MAPRE2: variants seen among roughly 807,000 people sequenced by gnomAD.
The protein encoded by MAPRE2 is microtubule associated protein RP/EB family member 2.
A neutral mutation model predicts 43.2 loss-of-function variants in MAPRE2; 13 were observed. The ratio of observed to expected loss-of-function variants is 0.30; its 90% confidence interval spans 0.20 to 0.48. MAPRE2 has a LOEUF of 0.48. Among genes scored for constraint, MAPRE2 ranks in the 20% least tolerant of loss-of-function variants. The pLI, the probability that MAPRE2 is intolerant of heterozygous loss-of-function variation, is 0.99. For missense variants in MAPRE2, 161 were observed against 400.2 expected, an observed-to-expected ratio of 0.40 and a Z score of 5.10; for synonymous variants, 135 against 148.8, an observed-to-expected ratio of 0.91 and a Z score of 0.68.
At chr18:35,027,530 C>G (rs765628074) in intron 2 of MAPRE2, among the ~76,000 whole-genome samples, 1 of 152,140 alleles carries the variant, frequency 6.6e-6, no homozygotes, top group Non-Finnish European at 1.5e-5. Context: ...CTTCAGCAGT[C>G]AGTCACCTTC....
At chr18:34,980,598 A>G (rs988655266) in intron 1 of MAPRE2, among the ~76,000 whole-genome samples, 3 of 152,220 alleles carry the variant, frequency 2.0e-5, no homozygotes. Flanking sequence ...GCTGTTTTCC[A>G]AGACAGACAT....
rs1906975836 is a variant in MAPRE2, at chr18:35,068,968, A to T, written c.123-1227A>T. 2.0e-5 allele frequency among the ~76,000 whole-genome samples: 3 copies of T among 152,336 alleles called. No individual in the cohort carries two copies. In the East Asian group the frequency reaches 5.8e-4, roughly 29 times the overall value. On this transcript the variant is annotated intron_variant, in intron 1 of 6. Coordinates refer to ENST00000300249, the MANE Select transcript of MAPRE2 (RefSeq NM_014268.4). Reference sequence around the variant, plus strand: ...TTTTGCATTACCAGGCAGTGTATTGATGGAGGATTAGGTGTCAAAGCCCAG... The same window carrying T: ...TTTTGCATTACCAGGCAGTGTATTGTTGGAGGATTAGGTGTCAAAGCCCAG...
upstream of MAPRE2, among the ~76,000 whole-genome samples, chr18:35,040,511 T>A (rs2097053095): frequency 6.6e-6 from 1 of 152,258 alleles, no homozygotes; most frequent in African/African-American, 2.4e-5. Flanking sequence ...AGTTTACTCA[T>A]CTTTAAAATG....
At chr18:35,005,174 T>G (rs2097031249) in intron 1 of MAPRE2, among the ~76,000 whole-genome samples, 2 of 152,170 alleles carry the variant, frequency 1.3e-5, no homozygotes, top group Non-Finnish European at 2.9e-5. Flanking sequence ...TCCCGTCACA[T>G]CAGACTATCA....
chr18:35,083,736 G>T (rs1342142551), intron 2 of MAPRE2, among the ~76,000 whole-genome samples: 2 of 152,108 alleles, frequency 1.3e-5, no homozygotes, highest in Non-Finnish European at 2.9e-5. Flanking sequence ...GAAACTGAGC[G>T]CTGGCCACTG....
At chr18:35,063,244 C>T (rs1906632349) in intron 1 of MAPRE2, among the ~76,000 whole-genome samples, 2 of 152,092 alleles carry the variant, frequency 1.3e-5, no homozygotes, top group Admixed American at 1.3e-4. Flanking sequence ...GCTGGGACTA[C>T]AGGCGCACAC....
chr18:35,046,426 A>C (rs565985856), intron 1 of MAPRE2, among the ~76,000 whole-genome samples: 2 of 152,334 alleles, frequency 1.3e-5, no homozygotes, highest in South Asian at 4.1e-4. Flanking sequence ...TAGGAAGCTA[A>C]AAGACACTGA....
chr18:35,075,954 C>T (rs951126545), intron 2 of MAPRE2, among the ~76,000 whole-genome samples: 1 of 152,082 alleles, frequency 6.6e-6, no homozygotes, highest in East Asian at 1.9e-4. Context: ...CACTTTGCTC[C>T]CGAAGATGAA....
chr18:35,094,506 A>G (rs919818548), intron 2 of MAPRE2, among the ~76,000 whole-genome samples: 1 of 152,192 alleles, frequency 6.6e-6, no homozygotes, highest in African/African-American at 2.4e-5. Context: ...TTAGGAAGGC[A>G]ATAGATAGTA....
rs80136784 is a variant in MAPRE2, at chr18:35,130,721, G to A, written c.751-1311G>A. ...GCATATACCCTACATAAAAATAAAC[G>A]AAGGGTTTAAACAAATGGGGATCCT... is the stretch of plus-strand genomic sequence containing the variant. On this transcript the variant is annotated intron_variant, in intron 5 of 6. Coordinates refer to ENST00000300249, the MANE Select transcript of MAPRE2 (RefSeq NM_014268.4). 8.7e-3 allele frequency among the ~76,000 whole-genome samples: 1,320 copies of A among 152,236 alleles called. 18 individuals are homozygous for A. The highest frequency in any genetic ancestry group is 0.03 in the African/African-American group (1,258 of 41,530).
intron 1 of MAPRE2, among the ~76,000 whole-genome samples, chr18:35,001,456 G>C (rs949770425): frequency 4.0e-5 from 6 of 151,358 alleles, no homozygotes; most frequent in South Asian, 2.1e-4. Flanking sequence ...GGAAGTTGCA[G>C]TCAGCAGAGA....
intron 2 of MAPRE2, among the ~76,000 whole-genome samples, chr18:35,008,857 T>C (rs781252803): frequency 3.9e-5 from 6 of 152,168 alleles, no homozygotes; most frequent in Non-Finnish European, 8.8e-5. Flanking sequence ...AGGGTACTAG[T>C]TTCACCATAA....
intron 2 of MAPRE2, among the ~76,000 whole-genome samples, chr18:35,084,904 G>A (rs1026806591): frequency 5.6e-4 from 85 of 152,112 alleles, no homozygotes; most frequent in African/African-American, 1.8e-3. Flanking sequence ...TTTGTGGCTC[G>A]GGGCAGGTAA....
chr18:35,082,008 GGGCC>G (rs1907659230), intron 2 of MAPRE2: 1 of 131,572 alleles, frequency 7.6e-6, no homozygotes, highest in South Asian at 2.3e-4. Flanking sequence ...CATACGTTCT[GGGCC>G]GGGCGCGGTG....
At chr18:35,042,250 T>G (rs765754359) in intron 1 of MAPRE2, among the ~76,000 whole-genome samples, 1 of 152,106 alleles carries the variant, frequency 6.6e-6, no homozygotes, top group African/African-American at 2.4e-5. Context: ...AACCCTAGGT[T>G]TATTAGAAAG....
chr18:35,011,851 T>C (rs926680421), intron 2 of MAPRE2, among the ~76,000 whole-genome samples: 1 of 152,006 alleles, frequency 6.6e-6, no homozygotes, highest in Non-Finnish European at 1.5e-5. Flanking sequence ...GTGCTTGCTA[T>C]GTGTTAAATG....
intron 1 of MAPRE2, among the ~76,000 whole-genome samples, chr18:35,057,499 A>AGTGTGTGTGTGTGT (rs550390570): frequency 1.2e-5 from 1 of 82,170 alleles, no homozygotes; most frequent in Non-Finnish European, 2.2e-5. Context: ...TACTGCAAGG[A>AGTGTGTGTGTGTGT]GTGTGTGCGT....
chr18:35,106,863 T>G (rs571267681), intron 4 of MAPRE2, among the ~76,000 whole-genome samples: 1 of 152,300 alleles, frequency 6.6e-6, no homozygotes, highest in South Asian at 2.1e-4. Flanking sequence ...AAATACACAT[T>G]TTCACAATGA....
chr18:35,025,414 T>A (rs2097044545), intron 2 of MAPRE2, among the ~76,000 whole-genome samples: 1 of 152,246 alleles, frequency 6.6e-6, no homozygotes, highest in South Asian at 2.1e-4. Flanking sequence ...GCTATAACTT[T>A]TCATTTCTTC....
Sources: gnomAD v4.1 joint callset for allele counts (sites outside exome capture counted in the v4.1 genomes callset) on GRCh38, gnomAD v4.1.1 for gene constraint, MANE v1.5 for transcripts, NCBI Gene and HGNC (gene_info 2026-07-23, HGNC 2026-07-21) for gene names.